The following HDAC8 variants were observed in gnomAD, a reference collection of about 807,000 sequenced individuals.
HDAC8 encodes the protein histone deacetylase-like 1.
A neutral mutation model predicts 32.2 loss-of-function variants in HDAC8; 1 was observed. The observed-to-expected ratio is 0.03, with a 90% confidence interval of 0.01 to 0.15. The LOEUF is 0.15. HDAC8 is among the 10% of genes least tolerant of loss of function. The pLI, the probability that HDAC8 is intolerant of heterozygous loss-of-function variation, is 1.00. For synonymous variants in HDAC8, 108 were observed against 113.9 expected, an observed-to-expected ratio of 0.95 and a Z score of 0.33; for missense variants, 117 against 300.0, an observed-to-expected ratio of 0.39 and a Z score of 4.51.
At chrX:72,460,696 T>C (rs1458483530) in intron 9 of HDAC8, among the ~76,000 whole-genome samples, 2 of 112,058 alleles carry the variant, frequency 1.8e-5, no homozygotes, top group African/African-American at 3.2e-5. Flanking sequence ...GAATAGAGCA[T>C]TCATTCTCAG....
chrX:72,550,299 TA>T (rs1882198780), intron 4 of HDAC8, among the ~76,000 whole-genome samples: 1 of 110,475 alleles, frequency 9.1e-6, no homozygotes, highest in African/African-American at 3.3e-5. Flanking sequence ...TATAGGAACC[TA>T]TGGTTCCAGC....
intron 4 of HDAC8, among the ~76,000 whole-genome samples, chrX:72,549,086 C>T (rs1432299369): frequency 9.0e-6 from 1 of 111,350 alleles, no homozygotes. Context: ...AATTTTTGTT[C>T]CCTTGGGGCC....
chrX:72,528,704 G>A (rs2050235635), intron 4 of HDAC8, among the ~76,000 whole-genome samples: 1 of 111,318 alleles, frequency 9.0e-6, no homozygotes, highest in African/African-American at 3.3e-5. Context: ...GCCTGAAGCT[G>A]GGACATTGCT....
intron 9 of HDAC8, among the ~76,000 whole-genome samples, chrX:72,413,288 C>T (rs1298049437): frequency 2.7e-5 from 2 of 75,150 alleles, no homozygotes; most frequent in Admixed American, 1.8e-4. Flanking sequence ...CCACAACAGG[C>T]CCCGGTGTGT....
intron 9 of HDAC8, among the ~76,000 whole-genome samples, chrX:72,357,455 A>C (rs1236326295): frequency 2.7e-5 from 3 of 110,770 alleles, no homozygotes; most frequent in African/African-American, 9.9e-5. Flanking sequence ...GGCAAGGAAA[A>C]ATCATGGGGA....
intron 4 of HDAC8, among the ~76,000 whole-genome samples, chrX:72,541,411 G>A (rs1157507918): frequency 8.9e-6 from 1 of 112,388 alleles, no homozygotes; most frequent in East Asian, 2.8e-4. Context: ...AGGGAGAGGA[G>A]AAAAGGGGAT....
intron 3 of HDAC8, among the ~76,000 whole-genome samples, chrX:72,568,328 C>A (rs1556140470): frequency 8.9e-6 from 1 of 112,143 alleles, no homozygotes; most frequent in East Asian, 2.8e-4. Flanking sequence ...TGTTGACCCC[C>A]CAGTTCAATG....
intron 10 of HDAC8, among the ~76,000 whole-genome samples, chrX:72,344,598 C>T (rs2043974622): frequency 8.9e-6 from 1 of 112,262 alleles, no homozygotes; most frequent in African/African-American, 3.2e-5. Flanking sequence ...TCATAAGACA[C>T]TTCAAATTCA....
At chrX:72,551,517 C>T (rs953238277) in intron 4 of HDAC8, among the ~76,000 whole-genome samples, 1 of 111,307 alleles carries the variant, frequency 9.0e-6, no homozygotes, top group African/African-American at 3.3e-5. Flanking sequence ...CAAACCCTAC[C>T]CCTTCCACTA....
intron 9 of HDAC8, among the ~76,000 whole-genome samples, chrX:72,367,089 T>C (rs1213667095): frequency 1.8e-5 from 2 of 112,206 alleles, no homozygotes; most frequent in African/African-American, 6.5e-5. Flanking sequence ...GGAGGGGTAT[T>C]TGCTCTCCAA....
At chrX:72,413,243 C>A (rs1439726998) in intron 9 of HDAC8, among the ~76,000 whole-genome samples, 56 of 106,105 alleles carry the variant, frequency 5.3e-4, no homozygotes, top group Non-Finnish European at 8.9e-4. Context: ...CATTAAGTAT[C>A]TCTCCTAACG....
At chrX:72,521,581 A>C (rs996692782) in intron 4 of HDAC8, among the ~76,000 whole-genome samples, 1 of 111,296 alleles carries the variant, frequency 9.0e-6, no homozygotes, top group South Asian at 3.8e-4. Context: ...AAAGGTGCTG[A>C]AAAACTGATG....
intron 4 of HDAC8, among the ~76,000 whole-genome samples, chrX:72,503,845 C>T (rs1300150866): frequency 8.9e-6 from 1 of 111,936 alleles, no homozygotes; most frequent in East Asian, 2.8e-4. Context: ...ACAAAGCCCT[C>T]TTGGGAAAAC....
chrX:72,346,773 A>C (rs1166951136), intron 10 of HDAC8, among the ~76,000 whole-genome samples: 1 of 20,778 alleles, frequency 4.8e-5, no homozygotes, highest in Non-Finnish European at 8.2e-5. Flanking sequence ...ATGGTGGGGG[A>C]GGGGGCGGGG....
intron 9 of HDAC8, among the ~76,000 whole-genome samples, chrX:72,365,900 T>C (rs2044684056): frequency 1.8e-5 from 2 of 112,184 alleles, no homozygotes; most frequent in South Asian, 7.5e-4. Context: ...GCTCAGCACC[T>C]ATTGATTCAT....
intron 10 of HDAC8, among the ~76,000 whole-genome samples, chrX:72,345,560 G>T (rs113181792): frequency 0.06 from 6,684 of 111,814 alleles, 163 homozygotes; most frequent in South Asian, 0.18. Flanking sequence ...CCACTTCACA[G>T]ATTTAGGTAG....
intron 9 of HDAC8, among the ~76,000 whole-genome samples, chrX:72,443,867 A>C (rs1423255889): frequency 1.4e-3 from 156 of 109,504 alleles, no homozygotes; most frequent in Middle Eastern, 4.7e-3. Flanking sequence ...ACCACCGATC[A>C]CACAGAAATA....
chrX:72,558,696 C>T (rs2051372771), intron 4 of HDAC8, among the ~76,000 whole-genome samples: 1 of 110,794 alleles, frequency 9.0e-6, no homozygotes, highest in African/African-American at 3.3e-5. Context: ...AGGATGCCCA[C>T]TTTCACCACT....
intron 4 of HDAC8, among the ~76,000 whole-genome samples, chrX:72,516,390 C>A (rs184243946): frequency 5.8e-4 from 64 of 110,023 alleles, no homozygotes; most frequent in South Asian, 3.1e-3. Flanking sequence ...ATATTTAAAT[C>A]TTCTGATTCT....
Sources: allele counts gnomAD v4.1 joint callset (sites outside exome capture counted in the v4.1 genomes callset), GRCh38; gene constraint gnomAD v4.1.1; transcripts MANE v1.5; gene names NCBI Gene and HGNC (gene_info 2026-07-23, HGNC 2026-07-21).